Variants in SCNN1G observed in about 807,000 individuals in gnomAD.
SCNN1G encodes sodium channel epithelial 1 subunit gamma, also known as epithelial sodium channel subunit gamma.
A neutral mutation model predicts 64.6 loss-of-function variants in SCNN1G; 27 were observed. That is an observed-to-expected ratio of 0.42 (90% confidence interval 0.31 to 0.58). The LOEUF is 0.58. SCNN1G is among the 20% of genes least tolerant of loss of function. The pLI, the probability that SCNN1G is intolerant of heterozygous loss-of-function variation, is 0.18. For synonymous variants in SCNN1G, 330 were observed against 314.2 expected (o/e 1.05, Z -0.53); for missense variants, 743 against 823.4 (o/e 0.90, Z 1.19).
rs1960148118 is a variant in SCNN1G at position 23,215,559 on chromosome 16, C to T, written c.*90C>T. On this transcript the variant is annotated 3_prime_UTR_variant, in exon 13 of 13. Transcript: ENST00000300061. ...GCCCCCAGACGTGTGCACAGGGGAC[C>T]CTCTGCCCCACTCTGGGCTTTTCAG... 5 of 1,493,010 alleles carry T rather than the reference C, an allele frequency of 3.3e-6. No homozygotes were observed. Among genetic ancestry groups the T allele is most frequent in the Middle Eastern group, 1.8e-4 (1 of 5,422 alleles). The allele number at this position is 1,493,010 out of a possible 1,614,324, so 92.5% of individuals were successfully genotyped here.
intron 1 of SCNN1G, among the ~76,000 whole-genome samples, chr16:23,183,270 G>C (rs1448987729): frequency 6.6e-6 from 1 of 152,222 alleles, no homozygotes; most frequent in Admixed American, 6.5e-5. Context: ...GCTCCCCCGG[G>C]GCAGACGTGG....
chr16:23,188,018 TTCTC>T (rs150178588), intron 2 of SCNN1G, among the ~76,000 whole-genome samples: 3 of 150,986 alleles, frequency 2.0e-5, no homozygotes, highest in Admixed American at 2.0e-4. Flanking sequence ...CCCTCCCTCC[TTCTC>T]TCTCTCTCTC....
intron 12 of SCNN1G, 136 bp downstream of exon 12, chr16:23,214,923 G>A: frequency 9.1e-7 from 1 of 1,095,298 alleles, no homozygotes; most frequent in Non-Finnish European, 1.4e-6. Flanking sequence ...CCAGGTCTCA[G>A]GTCGGAATGC....
chr16:23,186,534 A>C lies in SCNN1G; in HGVS notation c.263A>C (p.His88Pro), dbSNP rs766420204. The C allele has an allele frequency of 6.8e-6, 11 of 1,613,564 alleles. No homozygotes were observed. The highest frequency in any genetic ancestry group is 8.5e-6 in the Non-Finnish European group (10 of 1,179,966). The stretch of plus-strand genomic sequence containing the variant: ...ACTGTCTCAGTTTCCATCAAAGTCC[A>C]CTTCCGGAAGCTGGATTTTCCTGCA... ...FYTVSVSIKV[H>P]FRKLDFPAVT... The change falls in exon 2 of 13, where the codon CAC becomes CCC. Residue 88 changes from histidine (H) to proline (P), a missense_variant. Coordinates refer to ENST00000300061, the MANE Select transcript of SCNN1G (RefSeq NM_001039.4).
At position 23,209,841 on chromosome 16, in the gene SCNN1G, C is replaced by T. The variant is rs759301638; in HGVS notation, c.1169C>T (p.Ser390Leu). Reference sequence around the variant, plus strand: ...AGGAACATCTACAACGCTGCCTACTCGCTCCAGGTAACAGATTGGCAGGGG... The same window carrying T: ...AGGAACATCTACAACGCTGCCTACTTGCTCCAGGTAACAGATTGGCAGGGG... ...PIRNIYNAAY[S>L]LQICLHSCFQ... Residue 390 changes from serine (S) to leucine (L), a missense_variant, in exon 7 of 13, where the codon TCG becomes TTG. By Grantham distance (145) the Ser-to-Leu change is moderately radical (BLOSUM62 -2). Transcript: ENST00000300061. 3.1e-6 allele frequency: 5 copies of T among 1,612,378 alleles called. No individual in the cohort carries two copies. The highest frequency in any genetic ancestry group is 2.2e-5 in the South Asian group (2 of 91,040).
rs554892442 is a variant in SCNN1G at position 23,186,340 on chromosome 16, G to A, written c.69G>A (p.Pro23=). 80 of 1,614,242 alleles carry A rather than the reference G, an allele frequency of 5.0e-5. No homozygotes were observed. In the South Asian group the frequency reaches 8.8e-4, roughly 18 times the overall value. Residue 23 remains proline, a synonymous_variant, in exon 2 of 13, where the codon CCG becomes CCA. Coordinates refer to ENST00000300061, the MANE Select transcript of SCNN1G (RefSeq NM_001039.4). ...TGCCCGTGACGGGCCCTCAGGCGCCGACCATTAAAGAGCTGATGCGGTGGT... is the reference window on the plus strand; with the variant it reads ...TGCCCGTGACGGGCCCTCAGGCGCCAACCATTAAAGAGCTGATGCGGTGGT... ...KNLPVTGPQA[P]TIKELMRWYC...
chr16:23,209,686 T>A lies in SCNN1G; in HGVS notation c.1078-64T>A, dbSNP rs72647516. 5.0e-3 allele frequency: 6,279 copies of A among 1,244,958 alleles called. 40 individuals carry two copies. Among genetic ancestry groups the A allele is most frequent in the Middle Eastern group, 8.9e-3 (48 of 5,386 alleles). The allele number at this position is 1,244,958 out of a possible 1,614,324, so 77.1% of individuals were successfully genotyped here. On this transcript the variant is annotated intron_variant, in intron 6 of 12. Transcript: ENST00000300061. ...TGCAAAGTCCCCTGTCTGGTGCTCC[T>A]TGCAAAGCCCCCGCCTGGGTCCGGG...
intron 1 of SCNN1G, among the ~76,000 whole-genome samples, chr16:23,183,844 G>A (rs1294792191): frequency 6.6e-6 from 1 of 152,162 alleles, no homozygotes; most frequent in Non-Finnish European, 1.5e-5. Flanking sequence ...GAGCAGCCTA[G>A]TTAGTCGTTA....
At position 23,214,791 on chromosome 16, in the gene SCNN1G, A is replaced by G; in HGVS notation, c.1569+4A>G. ...CATGGAGAGCCCAGCCAACAGTGTG[A>G]GTAGAGTGGCTTCCTTCCAGGACCT... is the stretch of plus-strand genomic sequence containing the variant. On this transcript the variant is annotated splice_donor_region_variant and intron_variant, in intron 12 of 12. Coordinates refer to ENST00000300061, the MANE Select transcript of SCNN1G (RefSeq NM_001039.4). 1 of 1,610,448 alleles carries G rather than the reference A, an allele frequency of 6.2e-7. No homozygotes were observed. Among genetic ancestry groups the G allele is most frequent in the Non-Finnish European group, 8.5e-7 (1 of 1,176,634 alleles).
chr16:23,207,879 CT>C (rs1205638224), intron 6 of SCNN1G, among the ~76,000 whole-genome samples: 1 of 152,184 alleles, frequency 6.6e-6, no homozygotes, highest in African/African-American at 2.4e-5. Flanking sequence ...TTCCTTCCCC[CT>C]CTACCCGTTT....
intron 3 of SCNN1G, among the ~76,000 whole-genome samples, 183 bp from the exon 4 acceptor site, chr16:23,192,169 C>T (rs1959719239): frequency 6.6e-6 from 1 of 152,038 alleles, no homozygotes; most frequent in Non-Finnish European, 1.5e-5. Context: ...CTTTTTGGTC[C>T]TTGAGGCTTG....
intron 2 of SCNN1G, 52 bp downstream of exon 2, chr16:23,186,640 G>C (rs756488930): frequency 1.1e-5 from 16 of 1,501,962 alleles, no homozygotes; most frequent in Non-Finnish European, 1.5e-5. Context: ...CCCCCACAGA[G>C]GCCAAAGCCC....
Position 23,186,491 on chromosome 16 carries a change from C to G in SCNN1G, c.220C>G (p.Leu74Val), listed in dbSNP as rs745459023. ...VALILWQCAL[L>V]VFSFYTVSVS... ...CCTCATCCTCTGGCAGTGCGCCCTC[C>G]TCGTCTTCTCCTTCTATACTGTCTC... The change falls in exon 2 of 13, where the codon CTC (leucine) becomes GTC (valine). Residue 74 changes from leucine (L) to valine (V), a missense_variant. Leu to Val is a conservative substitution (Grantham distance 32, BLOSUM62 1). Coordinates refer to ENST00000300061, the MANE Select transcript of SCNN1G (RefSeq NM_001039.4). 1.2e-6 allele frequency: 2 copies of G among 1,613,998 alleles called. No homozygotes were observed. The highest frequency in any genetic ancestry group is 1.3e-5 in the African/African-American group (1 of 74,936).
At chr16:23,212,479 ACCTTCAACTCACATCC>A (rs1960095796) in intron 8 of SCNN1G, among the ~76,000 whole-genome samples, 183 bp from the exon 9 acceptor site, 1 of 152,004 alleles carries the variant, frequency 6.6e-6, no homozygotes, top group Non-Finnish European at 1.5e-5. Flanking sequence ...GGGTGGTCTG[ACCTTCAACTCACATCC>A]TCAACCGCCA....
rs72646501 is a variant in SCNN1G at position 23,192,509 on chromosome 16, C to A, written c.776C>A (p.Thr259Asn). 1,049 of 1,612,498 alleles carry A rather than the reference C, an allele frequency of 6.5e-4. 1 individual carries two copies. Among genetic ancestry groups the A allele is most frequent in the Non-Finnish European group, 8.1e-4 (960 of 1,179,982 alleles). The change falls in exon 4 of 13, where the codon ACC (threonine) becomes AAC (asparagine). Residue 259 changes from threonine to asparagine, a missense_variant. Physicochemically the swap from Thr to Asn is moderately conservative, Grantham distance 65 (BLOSUM62 0). Transcript: ENST00000300061. ...TATTCTGCTGAGGAGCTGCTGGTGA[C>A]CTGCTTCTTTGATGGAGTGTCCTGT... ...MSYSAEELLV[T>N]CFFDGVSCDA...
In SCNN1G at chr16:23,189,571, A is replaced by T; in HGVS notation, c.518A>T (p.Asp173Val). The change falls in exon 3 of 13, where the codon GAC (aspartate) becomes GTC (valine). Residue 173 changes from aspartate (D) to valine (V), a missense_variant. Coordinates refer to ENST00000300061, the MANE Select transcript of SCNN1G (RefSeq NM_001039.4). ...FDQDEKGKAR[D>V]FFTGRKRKVG... ...CAGGATGAGAAGGGCAAGGCCAGGG[A>T]CTTCTTCACAGGGAGGAAGCGGAAA... The T allele has an allele frequency of 6.2e-7, 1 of 1,614,222 alleles. No homozygotes were observed. The highest frequency in any genetic ancestry group is 2.2e-5 in the East Asian group (1 of 44,880).
intron 1 of SCNN1G, among the ~76,000 whole-genome samples, chr16:23,185,509 C>A (rs1309881536): frequency 2.0e-5 from 3 of 152,182 alleles, no homozygotes; most frequent in Non-Finnish European, 4.4e-5. Flanking sequence ...TTAATGGTAT[C>A]TTAGAATCAA....
At chr16:23,192,613 C>A in intron 4 of SCNN1G, 71 bp downstream of exon 4, 2 of 1,285,880 alleles carry the variant, frequency 1.6e-6, no homozygotes, top group South Asian at 2.5e-5. Context: ...CTTGCAGGAA[C>A]CTACAGCCTT....
chr16:23,197,161 C>A, intron 5 of SCNN1G, 103 bp from the exon 6 acceptor site: 1 of 927,392 alleles, frequency 1.1e-6, no homozygotes, highest in South Asian at 1.4e-5. Context: ...GCTAGAAATA[C>A]CTGGTCTTGG....
Sources: gnomAD v4.1 joint callset for allele counts (sites outside exome capture counted in the v4.1 genomes callset) on GRCh38, gnomAD v4.1.1 for gene constraint, MANE v1.5 for transcripts, NCBI Gene and HGNC (gene_info 2026-07-23, HGNC 2026-07-21) for gene names.